The following HS3ST3B1 variants were observed in gnomAD, a reference collection of about 807,000 sequenced individuals.
The protein encoded by HS3ST3B1 is heparan sulfate glucosamine 3-O-sulfotransferase 3B1.
In HS3ST3B1, 13 loss-of-function variants were observed where a neutral mutation model predicts 21.3. The observed-to-expected ratio is 0.61, with a 90% CI of 0.40 to 0.97. The LOEUF is 0.97. Ranked by LOEUF, HS3ST3B1 falls within the 50% of genes least tolerant of loss-of-function variation. The pLI is 0.00. For missense variants in HS3ST3B1, 459 were observed against 554.8 expected, an observed-to-expected ratio of 0.83 and a Z score of 1.73; for synonymous variants, 234 against 254.8, an observed-to-expected ratio of 0.92 and a Z score of 0.78.
At chr17:14,335,631 T>C (rs899122785) in intron 1 of HS3ST3B1, among the ~76,000 whole-genome samples, 3 of 151,746 alleles carry the variant, frequency 2.0e-5, no homozygotes, top group Non-Finnish European at 4.4e-5. Context: ...GAGGCGGAGG[T>C]TGCAGAGAGC....
intron 1 of HS3ST3B1, chr17:14,327,185 C>T (rs1909846655): frequency 6.6e-6 from 1 of 152,494 alleles, no homozygotes; most frequent in Non-Finnish European, 1.5e-5. Context: ...TTCCTTTCCT[C>T]TTGCTGCTAC....
chr17:14,329,898 A>G (rs1462655014), intron 1 of HS3ST3B1, among the ~76,000 whole-genome samples: 1 of 152,276 alleles, frequency 6.6e-6, no homozygotes, highest in Non-Finnish European at 1.5e-5. Flanking sequence ...AGGGGGCACA[A>G]GTGGGATTCA....
chr17:14,323,485 T>G (rs1446189216), intron 1 of HS3ST3B1, among the ~76,000 whole-genome samples: 1 of 152,204 alleles, frequency 6.6e-6, no homozygotes, highest in East Asian at 1.9e-4. Flanking sequence ...ATCAGGTCCA[T>G]AGTCATTTGG....
At position 14,347,802 on chromosome 17, in the gene HS3ST3B1, A is replaced by G. The variant is rs1445846921; in HGVS notation, c.*2156A>G. ...TTCTTAGGTTTCTCCCTGTTCTCCA[A>G]TGTTTTATCCATTTCGTAGCTTTTT... On this transcript the variant is annotated 3_prime_UTR_variant, in exon 2 of 2. Transcript: ENST00000360954. 1.1e-4 allele frequency: 16 copies of G among 152,146 alleles called. No individual in the cohort carries two copies. Among genetic ancestry groups the G allele is most frequent in the African/African-American group, 2.4e-5 (1 of 41,410 alleles). 9.4% of individuals were successfully genotyped at this position (152,146 alleles called of 1,614,324 possible).
chr17:14,301,696 G>T lies in HS3ST3B1; in HGVS notation c.178G>T (p.Gly60Trp). 1 of 1,601,316 alleles carries T rather than the reference G, an allele frequency of 6.2e-7. No homozygotes were observed. The change falls in exon 1 of 2, where the codon GGG becomes TGG. Residue 60 changes from glycine (G) to tryptophan (W), a missense_variant. By Grantham distance (184) the Gly-to-Trp change is radical. This residue lies in a region of HS3ST3B1 where 317 missense variants were observed against 278.6 expected (regional missense o/e 1.14). Coordinates refer to ENST00000360954, the MANE Select transcript of HS3ST3B1 (RefSeq NM_006041.3). ...SCAGSCAAAP[G>W]LLLLGSGSRA... ...CGCCGGCTCCTGCGCCGCCGCGCCG[G>T]GGCTGCTGCTCCTGGGCTCTGGGTC...
chr17:14,334,972 G>T (rs1474198336), intron 1 of HS3ST3B1, among the ~76,000 whole-genome samples: 1 of 152,116 alleles, frequency 6.6e-6, no homozygotes, highest in Non-Finnish European at 1.5e-5. Context: ...AGTGGGGAGG[G>T]GGGAAATCTT....
Position 14,301,538 on chromosome 17 carries a change from G to A in HS3ST3B1, c.20G>A (p.Gly7Asp). ...CAGCGCATGGGGCAGCGCCTGAGTG[G>A]CGGCAGATCTTGCCTCGATGTCCCC... Reference protein sequence around the residue: MGQRLSGGRSCLDVPGR... With the variant: MGQRLSDGRSCLDVPGR... Residue 7 changes from glycine to aspartate, a missense_variant, in exon 1 of 2, where the codon GGC becomes GAC. This residue lies in a region of HS3ST3B1 where 317 missense variants were observed against 278.6 expected (regional missense o/e 1.14). Coordinates refer to ENST00000360954, the MANE Select transcript of HS3ST3B1 (RefSeq NM_006041.3). The A allele has an allele frequency of 6.4e-7, 1 of 1,574,796 alleles. No individual in the cohort carries two copies. Among genetic ancestry groups the A allele is most frequent in the Non-Finnish European group, 8.6e-7 (1 of 1,168,850 alleles).
chr17:14,337,265 G>A (rs111242090), intron 1 of HS3ST3B1, among the ~76,000 whole-genome samples: 74 of 151,454 alleles, frequency 4.9e-4, no homozygotes, highest in African/African-American at 1.6e-3. Flanking sequence ...ATTCATATCT[G>A]GTAACCAACT....
chr17:14,345,212 G>A lies in HS3ST3B1; in HGVS notation c.739G>A (p.Asp247Asn), dbSNP rs895445824. The change falls in exon 2 of 2, where the codon GAC becomes AAC. Residue 247 changes from aspartate (D) to asparagine (N), a missense_variant. Transcript: ENST00000360954. ...DYTQTLSKRP[D>N]IPTFESLTFK... is the part of the protein sequence containing the mutation. ...CACGCAGACGCTGTCCAAGCGGCCC[G>A]ACATCCCCACCTTCGAGAGCTTGAC... is the stretch of plus-strand genomic sequence containing the variant. 37 of 1,459,826 alleles carry A rather than the reference G, an allele frequency of 2.5e-5. No homozygotes were observed. Among genetic ancestry groups the A allele is most frequent in the Non-Finnish European group, 3.2e-5 (34 of 1,056,576 alleles). The allele number at this position is 1,459,826 out of a possible 1,614,324, so 90.4% of individuals were successfully genotyped here.
intron 1 of HS3ST3B1, chr17:14,304,708 T>C (rs1007415428): frequency 3.6e-4 from 55 of 152,242 alleles, no homozygotes; most frequent in African/African-American, 1.1e-3. Flanking sequence ...AGGCAACCAA[T>C]TGGAGAAGAG....
intron 1 of HS3ST3B1, among the ~76,000 whole-genome samples, chr17:14,333,561 C>G (rs962023685): frequency 1.5e-4 from 22 of 151,630 alleles, no homozygotes; most frequent in Admixed American, 1.4e-3. Context: ...CTTAATACAG[C>G]ATAGACAAGT....
Position 14,301,139 on chromosome 17 carries a change from T to G in HS3ST3B1, c.-380T>G. Reference sequence around the variant, plus strand: ...CCGGGGCTGCTCGAGGCTCAGTTCTTAGGACTGCAAGGAGGCAGCCCCGGC... The same window carrying G: ...CCGGGGCTGCTCGAGGCTCAGTTCTGAGGACTGCAAGGAGGCAGCCCCGGC... On this transcript the variant is annotated 5_prime_UTR_variant, in exon 1 of 2. Transcript: ENST00000360954. 1 of 220,130 alleles carries G rather than the reference T, an allele frequency of 4.5e-6. No individual in the cohort carries two copies. The highest frequency in any genetic ancestry group is 8.8e-6 in the Non-Finnish European group (1 of 113,392). 13.6% of individuals were successfully genotyped at this position (220,130 alleles called of 1,614,324 possible).
At chr17:14,306,721 T>G (rs2142323740) in intron 1 of HS3ST3B1, among the ~76,000 whole-genome samples, 1 of 152,326 alleles carries the variant, frequency 6.6e-6, no homozygotes, top group South Asian at 2.1e-4. Context: ...CTGAGGGAAA[T>G]TTAAGATAAG....
At chr17:14,327,613 C>T (rs960682942) in intron 1 of HS3ST3B1, 1 of 152,198 alleles carries the variant, frequency 6.6e-6, no homozygotes, top group Non-Finnish European at 1.5e-5. Context: ...GGGACCATCA[C>T]CCTTTTGAAT....
At chr17:14,344,649 C>T (rs1030869420) in intron 1 of HS3ST3B1, among the ~76,000 whole-genome samples, 1 of 152,108 alleles carries the variant, frequency 6.6e-6, no homozygotes, top group Non-Finnish European at 1.5e-5. Flanking sequence ...TCTGGGAGTC[C>T]CGGGTGCTAT....
At chr17:14,329,305 G>GAA (rs1252004741) in intron 1 of HS3ST3B1, 1 of 135,766 alleles carries the variant, frequency 7.4e-6, no homozygotes, top group African/African-American at 2.9e-5. Context: ...AAGAAAGAAA[G>GAA]AGAGAAAGAG....
rs554778575 is a variant in HS3ST3B1 at position 14,316,555 on chromosome 17, C to G, written c.554+14483C>G. 2.6e-5 allele frequency among the ~76,000 whole-genome samples: 4 copies of G among 151,966 alleles called. 1 individual carries two copies. Among genetic ancestry groups the G allele is most frequent in the African/African-American group, 9.7e-5 (4 of 41,440 alleles). On this transcript the variant is annotated intron_variant, in intron 1 of 1. Transcript: ENST00000360954. ...GAAGCTTTTTTCCACCCTGCCTGGC[C>G]CTGTGTGGCGCTTGTGGTCTGAGTA... is the stretch of plus-strand genomic sequence containing the variant.
intron 1 of HS3ST3B1, among the ~76,000 whole-genome samples, chr17:14,332,172 G>A (rs1910033990): frequency 6.6e-6 from 1 of 152,152 alleles, no homozygotes; most frequent in Non-Finnish European, 1.5e-5. Context: ...AGGTTCCCTG[G>A]GATGTATAAG....
intron 1 of HS3ST3B1, chr17:14,328,499 G>A (rs1909886042): frequency 6.6e-6 from 1 of 152,194 alleles, no homozygotes; most frequent in Non-Finnish European, 1.5e-5. Flanking sequence ...TTTAATTGAT[G>A]ATGTCCAATT....
Sources: allele counts gnomAD v4.1 joint callset (sites outside exome capture counted in the v4.1 genomes callset), GRCh38; gene constraint gnomAD v4.1.1; regional missense constraint gnomAD v4.1.1; transcripts MANE v1.5; gene names NCBI Gene and HGNC (gene_info 2026-07-23, HGNC 2026-07-21).